Variants in SLC25A21 observed in about 807,000 individuals in gnomAD.
SLC25A21 encodes the protein mitochondrial 2-oxodicarboxylate carrier.
SLC25A21 carries 47 observed loss-of-function variants against 43.8 expected under a neutral mutation model. That is an observed-to-expected ratio of 1.07 (90% CI 0.85 to 1.37). SLC25A21 has a LOEUF of 1.37. Ranked by LOEUF, SLC25A21 falls within the 40% of genes most tolerant of loss-of-function variation. The pLI is 0.00. For synonymous variants in SLC25A21, 131 were observed against 121.3 expected (o/e 1.08, Z -0.52); for missense variants, 352 against 350.2 (o/e 1.00, Z -0.04).
At chr14:37,154,934 G>A (rs771480109) in intron 1 of SLC25A21, among the ~76,000 whole-genome samples, 27 of 152,130 alleles carry the variant, frequency 1.8e-4, no homozygotes, top group Admixed American at 1.4e-3. Context: ...GAGGCACCAC[G>A]CCCGGCCGAT....
At chr14:36,820,095 G>A (rs547165302) in intron 2 of SLC25A21, among the ~76,000 whole-genome samples, 2 of 152,240 alleles carry the variant, frequency 1.3e-5, no homozygotes, top group Admixed American at 6.5e-5. Context: ...GCCATTCCAA[G>A]CCACCCCTTT....
intron 1 of SLC25A21, among the ~76,000 whole-genome samples, chr14:36,970,107 C>A (rs1469904665): frequency 6.6e-6 from 1 of 151,256 alleles, no homozygotes; most frequent in Admixed American, 6.6e-5. Flanking sequence ...AAGAAAAAAA[C>A]AAACAATATA....
chr14:37,043,888 T>A (rs1961527243), intron 1 of SLC25A21, among the ~76,000 whole-genome samples: 1 of 151,710 alleles, frequency 6.6e-6, no homozygotes, highest in African/African-American at 2.4e-5. Context: ...GTGTGCACCA[T>A]CATGTCTGGC....
chr14:37,099,355 G>A (rs991823312), intron 1 of SLC25A21, among the ~76,000 whole-genome samples: 3 of 152,086 alleles, frequency 2.0e-5, no homozygotes, highest in South Asian at 2.1e-4. Flanking sequence ...ATTTAAACCC[G>A]TACTTTGCTG....
chr14:36,684,410 A>G (rs1243752816), intron 8 of SLC25A21, among the ~76,000 whole-genome samples: 3 of 152,190 alleles, frequency 2.0e-5, no homozygotes, highest in Non-Finnish European at 4.4e-5. Flanking sequence ...TTAGGTGGCA[A>G]TTTAATGGGA....
intron 1 of SLC25A21, among the ~76,000 whole-genome samples, chr14:37,131,276 A>G (rs928432665): frequency 1.3e-5 from 2 of 152,244 alleles, no homozygotes; most frequent in Non-Finnish European, 1.5e-5. Flanking sequence ...AATTTGTTCA[A>G]TGTTAACACT....
chr14:37,107,999 T>C (rs915878141), intron 1 of SLC25A21, among the ~76,000 whole-genome samples: 3 of 152,130 alleles, frequency 2.0e-5, no homozygotes, highest in African/African-American at 7.2e-5. Flanking sequence ...GAACAATACA[T>C]TGTATAGTCC....
intron 1 of SLC25A21, among the ~76,000 whole-genome samples, chr14:36,967,973 T>G (rs1959658276): frequency 6.6e-6 from 1 of 152,104 alleles, no homozygotes; most frequent in Admixed American, 6.5e-5. Context: ...GCACCTCAAC[T>G]TAAGAGCTCT....
At chr14:37,043,098 G>A (rs1961509320) in intron 1 of SLC25A21, among the ~76,000 whole-genome samples, 1 of 152,128 alleles carries the variant, frequency 6.6e-6, no homozygotes, top group African/African-American at 2.4e-5. Flanking sequence ...CCCACCTTCT[G>A]CCACAGACAC....
At chr14:36,824,860 C>T (rs1888767774) in intron 2 of SLC25A21, among the ~76,000 whole-genome samples, 2 of 150,446 alleles carry the variant, frequency 1.3e-5, no homozygotes, top group Admixed American at 1.3e-4. Context: ...GAGAGCCAGC[C>T]TTCCAAGAAG....
At chr14:37,106,681 C>A (rs372327063) in intron 1 of SLC25A21, among the ~76,000 whole-genome samples, 14 of 152,100 alleles carry the variant, frequency 9.2e-5, no homozygotes, top group East Asian at 7.7e-4. Context: ...ATTAGTAGTT[C>A]TGCTTTTTGC....
At position 37,104,309 on chromosome 14, in the gene SLC25A21, A is replaced by C. The variant is rs1235422053; in HGVS notation, c.70+67972T>G. ...GCCATGAGGTGGAGAGCTAGCTCTCATCAGACATAGAACCTGCTGGCACCT... is the reference window on the plus strand; with the variant it reads ...GCCATGAGGTGGAGAGCTAGCTCTCCTCAGACATAGAACCTGCTGGCACCT... On this transcript the variant is annotated intron_variant, in intron 1 of 9. Coordinates refer to ENST00000331299, the MANE Select transcript of SLC25A21 (RefSeq NM_030631.4). Among the ~76,000 whole-genome samples the C allele has an allele frequency of 2.6e-5, 4 of 152,196 alleles. No individual in the cohort carries two copies. The South Asian group carries it at 6.2e-4, about 24-fold the overall frequency.
intron 1 of SLC25A21, among the ~76,000 whole-genome samples, chr14:36,886,301 A>G (rs542579366): frequency 3.3e-5 from 5 of 152,304 alleles, no homozygotes; most frequent in African/African-American, 1.2e-4. Flanking sequence ...TATTATACAC[A>G]CTGAATTGGC....
intron 1 of SLC25A21, among the ~76,000 whole-genome samples, chr14:37,070,798 C>T (rs1161617090): frequency 1.3e-5 from 2 of 152,040 alleles, no homozygotes; most frequent in East Asian, 1.9e-4. Context: ...CCATATACAC[C>T]GGAATGAAGA....
chr14:36,924,034 T>C (rs941713901), intron 1 of SLC25A21, among the ~76,000 whole-genome samples: 3 of 152,084 alleles, frequency 2.0e-5, no homozygotes, highest in East Asian at 1.9e-4. Context: ...CTACAGGTGC[T>C]GGAGAGGATG....
intron 3 of SLC25A21, among the ~76,000 whole-genome samples, chr14:36,807,433 G>T (rs1476126006): frequency 6.6e-6 from 1 of 152,166 alleles, no homozygotes; most frequent in Non-Finnish European, 1.5e-5. Flanking sequence ...GGAAGTTTAG[G>T]AGGAGGATGA....
intron 7 of SLC25A21, among the ~76,000 whole-genome samples, chr14:36,706,243 A>C (rs1010419346): frequency 6.6e-6 from 1 of 152,116 alleles, no homozygotes; most frequent in Non-Finnish European, 1.5e-5. Context: ...GGACCATCTC[A>C]CTTCACACTT....
intron 1 of SLC25A21, among the ~76,000 whole-genome samples, chr14:37,150,739 T>A (rs546498294): frequency 6.6e-6 from 1 of 152,310 alleles, no homozygotes; most frequent in Non-Finnish European, 1.5e-5. Context: ...AAATGTCCAC[T>A]GTGATAAACT....
At chr14:36,892,592 C>T (rs1249815425) in intron 1 of SLC25A21, among the ~76,000 whole-genome samples, 1 of 151,928 alleles carries the variant, frequency 6.6e-6, no homozygotes, top group African/African-American at 2.4e-5. Flanking sequence ...TACGTGTGCA[C>T]AATGTGCAGG....
Sources: allele counts gnomAD v4.1 joint callset (sites outside exome capture counted in the v4.1 genomes callset), GRCh38; gene constraint gnomAD v4.1.1; transcripts MANE v1.5; gene names NCBI Gene and HGNC (gene_info 2026-07-23, HGNC 2026-07-21).